CSMD1: variants seen among roughly 807,000 people sequenced by gnomAD.
CSMD1 encodes CUB and sushi domain-containing protein 1.
Under a neutral mutation model 417.5 loss-of-function variants are expected in CSMD1, and 213 were observed. The observed-to-expected ratio is 0.51, with a 90% confidence interval of 0.46 to 0.57. The LOEUF (loss-of-function observed/expected upper bound fraction) is 0.57, where lower values mean the gene tolerates loss of function less well. CSMD1 is among the 20% of genes least tolerant of loss of function. The pLI is 0.00. For synonymous variants in CSMD1, 2,862 were observed against 1,736.8 expected, an observed-to-expected ratio of 1.65 and a Z score of -16.11; for missense variants, 6,923 against 4,529.7, an observed-to-expected ratio of 1.53 and a Z score of -15.17.
chr8:4,907,136 G>C (rs764438505), intron 1 of CSMD1, among the ~76,000 whole-genome samples: 3 of 152,114 alleles, frequency 2.0e-5, no homozygotes, highest in Admixed American at 6.5e-5. Flanking sequence ...CAAGAGTTAG[G>C]GAATAATGAT....
intron 5 of CSMD1, among the ~76,000 whole-genome samples, chr8:3,771,030 C>CG (rs1798541806): frequency 1.3e-5 from 2 of 151,394 alleles, no homozygotes; most frequent in East Asian, 2.0e-4. Context: ...GTGTGTGTGT[C>CG]TGCGTGCGTG....
intron 12 of CSMD1, among the ~76,000 whole-genome samples, chr8:3,425,241 C>A (rs576764595): frequency 6.6e-6 from 1 of 152,276 alleles, no homozygotes; most frequent in South Asian, 2.1e-4. Flanking sequence ...CAGGCATCCA[C>A]TGGGGGACTT....
At chr8:3,606,309 T>G (rs1309437370) in intron 8 of CSMD1, among the ~76,000 whole-genome samples, 1 of 152,128 alleles carries the variant, frequency 6.6e-6, no homozygotes, top group African/African-American at 2.4e-5. Flanking sequence ...CCAGATGGTG[T>G]AGCCTGATAC....
chr8:3,235,105 A>T (rs1272580911), intron 26 of CSMD1, among the ~76,000 whole-genome samples: 1 of 152,246 alleles, frequency 6.6e-6, no homozygotes, highest in Non-Finnish European at 1.5e-5. Context: ...AAAAATTAAC[A>T]ATAAGTGTAT....
Position 3,468,819 on chromosome 8 carries a change from G to T in CSMD1, c.1454C>A (p.Thr485Lys). ...GDTRSVLYVL[T>K]GSSVPDLIVS... ...AATGAGGTCAGGAACACTGGATCCCGTGAGCCTGCAAGAAAGAGAAATGTC... is the reference window on the plus strand; with the variant it reads ...AATGAGGTCAGGAACACTGGATCCCTTGAGCCTGCAAGAAAGAGAAATGTC... Residue 485 changes from threonine to lysine, a missense_variant, in exon 12 of 70, where the codon ACG becomes AAG. By Grantham distance (78) the Thr-to-Lys change is moderately conservative (BLOSUM62 -1). Transcript: ENST00000635120. The T allele has an allele frequency of 6.3e-7, 1 of 1,589,174 alleles. No individual in the cohort carries two copies. The highest frequency in any genetic ancestry group is 8.6e-7 in the Non-Finnish European group (1 of 1,167,148).
At position 3,188,807 on chromosome 8, in the gene CSMD1, CAT is replaced by C. The variant is rs1796243452; in HGVS notation, c.5523+78_5523+79del. On this transcript the variant is annotated intron_variant, in intron 35 of 69. Coordinates refer to ENST00000635120, the MANE Select transcript of CSMD1 (RefSeq NM_033225.6). Reference sequence around the variant, plus strand: ...GGAGAGAGAGAGAGATGGAAAGAAACATAGAACAAAAGAATGAAAGAAAGAAG... The same window carrying C: ...GGAGAGAGAGAGAGATGGAAAGAAACAGAACAAAAGAATGAAAGAAAGAAG... 8.9e-6 allele frequency: 11 copies of C among 1,239,056 alleles called. No homozygotes were observed. The South Asian group carries it at 2.6e-4, about 29-fold the overall frequency. The allele number at this position is 1,239,056 out of a possible 1,614,324, so 76.8% of individuals were successfully genotyped here.
chr8:4,604,034 G>GT (rs1166705276), intron 2 of CSMD1, among the ~76,000 whole-genome samples: 1 of 152,040 alleles, frequency 6.6e-6, no homozygotes, highest in Non-Finnish European at 1.5e-5. Flanking sequence ...GGAAAGATAT[G>GT]TATCAGTTTA....
In CSMD1 at chr8:3,759,542, G is replaced by C. The variant is rs116604517; in HGVS notation, c.819-5500C>G. Among the ~76,000 whole-genome samples, 841 of 151,946 alleles carry C rather than the reference G, an allele frequency of 5.5e-3. 9 individuals carry two copies. The highest frequency in any genetic ancestry group is 0.019 in the African/African-American group (794 of 41,412). On this transcript the variant is annotated intron_variant, in intron 5 of 69. Coordinates refer to ENST00000635120, the MANE Select transcript of CSMD1 (RefSeq NM_033225.6). ...AGTTTGGAAAATGAAAGAGATTATG[G>C]GGCAAATGGTGGAAAATGGGCATGA...
intron 2 of CSMD1, among the ~76,000 whole-genome samples, chr8:4,472,005 C>G (rs1024432953): frequency 1.3e-5 from 2 of 152,114 alleles, no homozygotes; most frequent in Non-Finnish European, 2.9e-5. Context: ...CCCTAAGAAT[C>G]AACATTTCTT....
intron 7 of CSMD1, among the ~76,000 whole-genome samples, chr8:3,654,042 A>G (rs944204675): frequency 6.6e-6 from 1 of 152,156 alleles, no homozygotes; most frequent in Non-Finnish European, 1.5e-5. Flanking sequence ...GGCCAACTGT[A>G]TAACATCCAA....
chr8:3,183,086 G>C (rs1224414553), intron 36 of CSMD1: 1 of 151,756 alleles, frequency 6.6e-6, no homozygotes, highest in Non-Finnish European at 1.5e-5. Context: ...CATGAAGTGT[G>C]TCGAACTAAA....
chr8:2,997,286 A>G (rs1182405156), intron 54 of CSMD1, among the ~76,000 whole-genome samples: 1 of 152,214 alleles, frequency 6.6e-6, no homozygotes, highest in East Asian at 1.9e-4. Flanking sequence ...CAACTTCTAT[A>G]CAACTTCTAA....
chr8:3,095,631 C>A (rs374169063), intron 47 of CSMD1, among the ~76,000 whole-genome samples: 79 of 152,260 alleles, frequency 5.2e-4, no homozygotes, highest in African/African-American at 1.9e-3. Context: ...TACAAACACA[C>A]ATCAAATCCA....
At chr8:3,460,602 G>C (rs549101297) in intron 12 of CSMD1, among the ~76,000 whole-genome samples, 1 of 152,294 alleles carries the variant, frequency 6.6e-6, no homozygotes, top group South Asian at 2.1e-4. Flanking sequence ...CTAAGGGTAA[G>C]AGAATGAAGA....
In CSMD1 at chr8:4,540,537, G is replaced by A. The variant is rs192007416; in HGVS notation, c.302+96805C>T. Among the ~76,000 whole-genome samples the A allele has an allele frequency of 2.3e-3, 351 of 152,154 alleles. 2 individuals carry two copies. The highest frequency in any genetic ancestry group is 7.9e-3 in the African/African-American group (330 of 41,512). Reference sequence around the variant, plus strand: ...TGGGCAACAGAGCGAGACCTCATCTGAAAACCTAATGGATGGGAAAGAAAT... The same window carrying A: ...TGGGCAACAGAGCGAGACCTCATCTAAAAACCTAATGGATGGGAAAGAAAT... On this transcript the variant is annotated intron_variant, in intron 2 of 69. Transcript: ENST00000635120.
At chr8:3,053,899 G>A (rs1190640829) in intron 49 of CSMD1, among the ~76,000 whole-genome samples, 1 of 152,134 alleles carries the variant, frequency 6.6e-6, no homozygotes, top group Non-Finnish European at 1.5e-5. Flanking sequence ...TTCACACCAT[G>A]GATTTAAATT....
chr8:3,967,851 C>A (rs1812790656), intron 5 of CSMD1, among the ~76,000 whole-genome samples: 1 of 151,908 alleles, frequency 6.6e-6, no homozygotes, highest in African/African-American at 2.4e-5. Context: ...ATGATGACAG[C>A]ATTTCCCTTG....
intron 37 of CSMD1, among the ~76,000 whole-genome samples, chr8:3,172,767 A>T (rs1232220342): frequency 2.0e-5 from 3 of 152,216 alleles, no homozygotes; most frequent in African/African-American, 7.2e-5. Context: ...ATCGTCTCCC[A>T]TGAGGCACAA....
chr8:4,108,104 A>C (rs1270270955), intron 3 of CSMD1, among the ~76,000 whole-genome samples: 5 of 152,134 alleles, frequency 3.3e-5, no homozygotes, highest in Non-Finnish European at 5.9e-5. Context: ...AACAAGAAAA[A>C]GACGGAGGAG....
Sources: gnomAD v4.1 joint callset for allele counts (sites outside exome capture counted in the v4.1 genomes callset) on GRCh38, gnomAD v4.1.1 for gene constraint, MANE v1.5 for transcripts, NCBI Gene and HGNC (gene_info 2026-07-23, HGNC 2026-07-21) for gene names.